Variants in PTK2 observed in about 807,000 individuals in gnomAD.
The protein encoded by PTK2 is focal adhesion kinase 1.
PTK2 carries 45 observed loss-of-function variants against 150.1 expected under a neutral mutation model. The observed-to-expected ratio is 0.30, with a 90% CI of 0.24 to 0.38. The LOEUF is 0.38. PTK2 is among the 10% of genes least tolerant of loss of function. The probability of loss-of-function intolerance (pLI) is 1.00; values close to 1 mark genes in which losing one functional copy is unlikely to be tolerated. For missense variants in PTK2, 919 were observed against 1,307.3 expected (o/e 0.70, Z 4.58); for synonymous variants, 432 against 449.2 (o/e 0.96, Z 0.48).
intron 8 of PTK2, among the ~76,000 whole-genome samples, chr8:140,823,065 T>A (rs1197215938): frequency 6.6e-6 from 1 of 152,154 alleles, no homozygotes; most frequent in Non-Finnish European, 1.5e-5. Context: ...GCAAAAGCCC[T>A]GGAATATAAA....
chr8:140,807,765 A>T (rs955626243), intron 10 of PTK2, among the ~76,000 whole-genome samples: 1 of 152,244 alleles, frequency 6.6e-6, no homozygotes, highest in African/African-American at 2.4e-5. Context: ...TATTAAAATT[A>T]ATTGCACCTA....
intron 1 of PTK2, among the ~76,000 whole-genome samples, chr8:140,995,083 C>CAAA (rs35987927): frequency 1.6e-5 from 2 of 122,304 alleles, no homozygotes; most frequent in Admixed American, 8.7e-5. Context: ...AACTCTGTCT[C>CAAA]AAAAAAAAAA....
At chr8:140,755,646 C>T (rs2100065233) in intron 16 of PTK2, among the ~76,000 whole-genome samples, 1 of 152,148 alleles carries the variant, frequency 6.6e-6, no homozygotes, top group South Asian at 2.1e-4. Context: ...CATTGTTTTT[C>T]TCAGACCCTC....
intron 17 of PTK2, chr8:140,750,429 G>A (rs1467886530): frequency 6.6e-6 from 1 of 152,268 alleles, no homozygotes; most frequent in Admixed American, 6.5e-5. Context: ...GAGAGGAAGA[G>A]ACAGGCAATA....
intron 2 of PTK2, among the ~76,000 whole-genome samples, chr8:140,910,221 G>T (rs1370049172): frequency 1.3e-5 from 2 of 152,074 alleles, no homozygotes; most frequent in Non-Finnish European, 2.9e-5. Flanking sequence ...ATAAAAGAGT[G>T]GGGGAGGTAA....
intron 1 of PTK2, among the ~76,000 whole-genome samples, chr8:140,988,534 C>T (rs1022586802): frequency 6.6e-6 from 1 of 152,046 alleles, no homozygotes; most frequent in Non-Finnish European, 1.5e-5. Context: ...TGGAGACCAT[C>T]CTGGCTAACA....
At chr8:140,734,628 C>A in intron 22 of PTK2, 2 of 444,440 alleles carry the variant, frequency 4.5e-6, no homozygotes, top group Non-Finnish European at 9.0e-6. Flanking sequence ...CAGTACCTGG[C>A]ACAAAGTAGT....
At chr8:140,827,813 A>G (rs1350489413) in intron 8 of PTK2, among the ~76,000 whole-genome samples, 1 of 152,184 alleles carries the variant, frequency 6.6e-6, no homozygotes, top group Non-Finnish European at 1.5e-5. Flanking sequence ...TTTGCCCTCA[A>G]CAATCTTAAA....
At chr8:140,733,106 G>A (rs2100050511) in intron 22 of PTK2, among the ~76,000 whole-genome samples, 1 of 152,184 alleles carries the variant, frequency 6.6e-6, no homozygotes, top group Non-Finnish European at 1.5e-5. Flanking sequence ...TGACTAAGCT[G>A]GTCATGCCAG....
chr8:140,724,726 T>C (rs189807744), intron 22 of PTK2, among the ~76,000 whole-genome samples: 49 of 152,340 alleles, frequency 3.2e-4, no homozygotes, highest in African/African-American at 1.0e-3. Flanking sequence ...CATGATTTCT[T>C]ATAATTAGTC....
At chr8:140,727,914 G>A (rs772878636) in intron 22 of PTK2, among the ~76,000 whole-genome samples, 2 of 152,068 alleles carry the variant, frequency 1.3e-5, no homozygotes, top group East Asian at 1.9e-4. Flanking sequence ...AGAGAAAGAC[G>A]GCCGGGCGCG....
At chr8:140,669,662 T>TAC (rs2094529022) in intron 29 of PTK2, 65 bp downstream of exon 33, 1 of 1,504,232 alleles carries the variant, frequency 6.6e-7, no homozygotes, top group African/African-American at 1.4e-5. Context: ...AGTCCAAAGT[T>TAC]ACATGCAGAG....
At chr8:140,843,984 T>A (rs1027915078) in intron 7 of PTK2, among the ~76,000 whole-genome samples, 3 of 152,246 alleles carry the variant, frequency 2.0e-5, no homozygotes, top group African/African-American at 7.2e-5. Context: ...CTCCTGGATA[T>A]GTGAGTTTCT....
intron 7 of PTK2, among the ~76,000 whole-genome samples, chr8:140,840,304 A>T (rs1464941864): frequency 6.6e-6 from 1 of 152,216 alleles, no homozygotes; most frequent in Non-Finnish European, 1.5e-5. Flanking sequence ...CTGGCCTCCC[A>T]GTGTGCTGGG....
intron 20 of PTK2, among the ~76,000 whole-genome samples, chr8:140,742,533 T>C (rs2100056343): frequency 6.6e-6 from 1 of 152,212 alleles, no homozygotes; most frequent in South Asian, 2.1e-4. Context: ...AGCATATTCT[T>C]TATTTTAACA....
chr8:140,918,515 C>A (rs1003241945), intron 2 of PTK2, among the ~76,000 whole-genome samples: 2 of 152,046 alleles, frequency 1.3e-5, no homozygotes, highest in Admixed American at 1.3e-4. Flanking sequence ...GTAGTTGAAC[C>A]CATGTTAAAA....
intron 5 of PTK2, among the ~76,000 whole-genome samples, chr8:140,848,783 G>A (rs995699652): frequency 6.6e-6 from 1 of 152,132 alleles, no homozygotes; most frequent in Non-Finnish European, 1.5e-5. Context: ...ACCAAGATAG[G>A]TATTTAGATA....
chr8:140,916,017 A>T (rs542748217), intron 2 of PTK2, among the ~76,000 whole-genome samples: 1 of 152,322 alleles, frequency 6.6e-6, no homozygotes, highest in Admixed American at 6.5e-5. Context: ...CCCAAATACT[A>T]ATAATGAGGA....
intron 10 of PTK2, among the ~76,000 whole-genome samples, chr8:140,813,385 G>C (rs561967882): frequency 2.7e-5 from 4 of 150,596 alleles, no homozygotes; most frequent in Non-Finnish European, 5.9e-5. Context: ...GTAAGGCAGT[G>C]TAAAGAGGTA....
Sources: allele counts gnomAD v4.1 joint callset (sites outside exome capture counted in the v4.1 genomes callset), GRCh38; gene constraint gnomAD v4.1.1; transcripts MANE v1.5; gene names NCBI Gene and HGNC (gene_info 2026-07-23, HGNC 2026-07-21).